Variants in VAMP4 observed in about 807,000 individuals in gnomAD.
The protein encoded by VAMP4 is vesicle-associated membrane protein 4.
A neutral mutation model predicts 23.5 loss-of-function variants in VAMP4; 19 were observed. The observed-to-expected ratio is 0.81, with a 90% CI of 0.56 to 1.19. The LOEUF (loss-of-function observed/expected upper bound fraction) is 1.19. Among genes scored for constraint, VAMP4 ranks in the 50% most tolerant of loss-of-function variants. The pLI is 0.00. For synonymous variants in VAMP4, 31 were observed against 51.0 expected (o/e 0.61, Z 1.67); for missense variants, 145 against 168.6 (o/e 0.86, Z 0.78).
At chr1:171,730,953 C>T (rs1655542136) in intron 2 of VAMP4, among the ~76,000 whole-genome samples, 1 of 151,812 alleles carries the variant, frequency 6.6e-6, no homozygotes, top group South Asian at 2.1e-4. Context: ...GCCTGTAATC[C>T]CAGCACTTTG....
chr1:171,741,563 T>C (rs529947882), intron 1 of VAMP4, among the ~76,000 whole-genome samples: 4 of 146,516 alleles, frequency 2.7e-5, no homozygotes, highest in African/African-American at 1.0e-4. Context: ...CTCCTAACGC[T>C]GGCCCTTCCT....
intron 2 of VAMP4, among the ~76,000 whole-genome samples, chr1:171,732,583 T>C (rs1029533930): frequency 6.6e-6 from 1 of 152,034 alleles, no homozygotes. Flanking sequence ...TTAACTTTTA[T>C]GTTAAATGTA....
chr1:171,727,212 C>A (rs1202049432), intron 3 of VAMP4, among the ~76,000 whole-genome samples: 2 of 122,250 alleles, frequency 1.6e-5, no homozygotes, highest in African/African-American at 3.2e-5. Context: ...GACACTCTAC[C>A]AACCTGGGCA....
intron 1 of VAMP4, 64 bp from the exon 2 acceptor site, chr1:171,738,527 C>T (rs1655816716): frequency 1.9e-6 from 2 of 1,046,576 alleles, no homozygotes; most frequent in South Asian, 2.9e-5. Context: ...GTACTTAAAA[C>T]AGTGTACATG....
At chr1:171,719,455 T>G (rs1389775699) in intron 3 of VAMP4, among the ~76,000 whole-genome samples, 1 of 152,126 alleles carries the variant, frequency 6.6e-6, no homozygotes, top group African/African-American at 2.4e-5. Flanking sequence ...TTCTTCTGCA[T>G]GTTAAAACTT....
intron 1 of VAMP4, among the ~76,000 whole-genome samples, chr1:171,738,897 T>C (rs542329721): frequency 6.6e-6 from 1 of 152,334 alleles, no homozygotes; most frequent in South Asian, 2.1e-4. Flanking sequence ...TTCAGGCTTC[T>C]GCAGAGTTGG....
rs1266473470 is a variant in VAMP4 at position 171,728,651 on chromosome 1, T to C, written c.67-81A>G. 21 of 1,350,480 alleles carry C rather than the reference T, an allele frequency of 1.6e-5. No homozygotes were observed. The East Asian group carries it at 2.7e-4, about 17-fold the overall frequency. 83.7% of individuals were successfully genotyped at this position (1,350,480 alleles called of 1,614,324 possible). A position where few individuals can be genotyped will look rare whatever the true frequency, so the allele number is the denominator to read the frequency against. Reference sequence around the variant, plus strand: ...CACAGAGGAGTAATGAAATAAGTCCTATACTAGTGAAATTTCTTAACTCCA... The same window carrying C: ...CACAGAGGAGTAATGAAATAAGTCCCATACTAGTGAAATTTCTTAACTCCA... On this transcript the variant is annotated intron_variant, in intron 2 of 7. Coordinates refer to ENST00000236192, the MANE Select transcript of VAMP4 (RefSeq NM_003762.5).
At chr1:171,706,920 G>A (rs746405782) in intron 6 of VAMP4, among the ~76,000 whole-genome samples, 69 of 152,132 alleles carry the variant, frequency 4.5e-4, no homozygotes, top group Non-Finnish European at 8.7e-4. Flanking sequence ...GAATTTCTAC[G>A]GTAGTTTTTC....
intron 4 of VAMP4, among the ~76,000 whole-genome samples, chr1:171,714,167 A>T (rs1654952824): frequency 6.6e-6 from 1 of 152,192 alleles, no homozygotes; most frequent in Non-Finnish European, 1.5e-5. Flanking sequence ...CCTACCCAGA[A>T]CACAATTTTT....
Position 171,700,980 on chromosome 1 carries a change from A to T in VAMP4, c.*3526T>A, listed in dbSNP as rs1004214229. On this transcript the variant is annotated 3_prime_UTR_variant, in exon 8 of 8. Coordinates refer to ENST00000236192, the MANE Select transcript of VAMP4 (RefSeq NM_003762.5). ...TCCCTAATTCTACTTGGTTTCCAGAAGAAAAAAAAAATCAGAATAAGACTA... is the reference window on the plus strand; with the variant it reads ...TCCCTAATTCTACTTGGTTTCCAGATGAAAAAAAAAATCAGAATAAGACTA... 1.3e-5 allele frequency: 2 copies of T among 152,094 alleles called. No individual in the cohort carries two copies. Among genetic ancestry groups the T allele is most frequent in the African/African-American group, 4.8e-5 (2 of 41,398 alleles). 9.4% of individuals were successfully genotyped at this position (152,094 alleles called of 1,614,324 possible). A position where few individuals can be genotyped will look rare whatever the true frequency, so the allele number is the denominator to read the frequency against.
At position 171,703,822 on chromosome 1, in the gene VAMP4, T is replaced by C. The variant is rs1472075605; in HGVS notation, c.*684A>G. On this transcript the variant is annotated 3_prime_UTR_variant, in exon 8 of 8. Coordinates refer to ENST00000236192, the MANE Select transcript of VAMP4 (RefSeq NM_003762.5). ...CCAATGACACTCTTCAATAACTTTATTATCTCCAGTTTTATGATGCCATAC... is the reference window on the plus strand; with the variant it reads ...CCAATGACACTCTTCAATAACTTTACTATCTCCAGTTTTATGATGCCATAC... The C allele has an allele frequency of 6.6e-6, 1 of 152,296 alleles. No homozygotes were observed. Among genetic ancestry groups the C allele is most frequent in the Admixed American group, 6.6e-5 (1 of 15,224 alleles). The allele number at this position is 152,296 out of a possible 1,614,324, so 9.4% of individuals were successfully genotyped here.
At chr1:171,731,861 A>G (rs1211702559) in intron 2 of VAMP4, among the ~76,000 whole-genome samples, 1 of 152,242 alleles carries the variant, frequency 6.6e-6, no homozygotes, top group East Asian at 1.9e-4. Context: ...TATAAAGAGG[A>G]ATTTTAGGAC....
chr1:171,729,686 G>T (rs188383665), intron 2 of VAMP4, among the ~76,000 whole-genome samples: 15 of 152,262 alleles, frequency 9.9e-5, no homozygotes, highest in Middle Eastern at 3.4e-3. Context: ...TTGAGATGGA[G>T]TCTTGCTCTG....
intron 7 of VAMP4, 41 bp downstream of exon 7, chr1:171,706,326 T>C (rs1243207622): frequency 6.4e-7 from 1 of 1,566,370 alleles, no homozygotes; most frequent in Non-Finnish European, 8.7e-7. Context: ...AACTCCAAAA[T>C]AAATGATACC....
In VAMP4 at chr1:171,713,307, T is replaced by C. The variant is rs1310744608; in HGVS notation, c.165-2493A>G. ...CAGCCAGCTTTTTTTTTTTGTCATA[T>C]GCAAGTGACGATAATTAATGGCTTA... On this transcript the variant is annotated intron_variant, in intron 4 of 7. Coordinates refer to ENST00000236192, the MANE Select transcript of VAMP4 (RefSeq NM_003762.5). 2.6e-5 allele frequency among the ~76,000 whole-genome samples: 4 copies of C among 151,886 alleles called. No homozygotes were observed. The East Asian group carries it at 5.8e-4, about 22-fold the overall frequency.
chr1:171,707,279 T>C (rs970250995), intron 6 of VAMP4, among the ~76,000 whole-genome samples: 1 of 152,226 alleles, frequency 6.6e-6, no homozygotes, highest in African/African-American at 2.4e-5. Context: ...GCCAGGTATA[T>C]TGAGATACAC....
In VAMP4 at chr1:171,704,307, T is replaced by A. The variant is rs1654576749; in HGVS notation, c.*199A>T. 2 of 383,306 alleles carry A rather than the reference T, an allele frequency of 5.2e-6. No homozygotes were observed. The highest frequency in any genetic ancestry group is 9.5e-6 in the Non-Finnish European group (2 of 210,512). The allele number at this position is 383,306 out of a possible 1,614,324, so 23.7% of individuals were successfully genotyped here. A position where few individuals can be genotyped will look rare whatever the true frequency, so the allele number is the denominator to read the frequency against. On this transcript the variant is annotated 3_prime_UTR_variant, in exon 8 of 8. Coordinates refer to ENST00000236192, the MANE Select transcript of VAMP4 (RefSeq NM_003762.5). ...AGGCTAGTTCTCTTTGCCTTAAACA[T>A]AATTATTAAAAGAACATTTTGTTAG...
Position 171,700,876 on chromosome 1 carries a change from C to A in VAMP4, c.*3630G>T, listed in dbSNP as rs933921496. On this transcript the variant is annotated 3_prime_UTR_variant, in exon 8 of 8. Coordinates refer to ENST00000236192, the MANE Select transcript of VAMP4 (RefSeq NM_003762.5). ...CCTGTAATTGGGTTGGTCATGCTTT[C>A]TTTTCAATTCCTACTGATTTGTTCC... 6.6e-6 allele frequency: 1 copy of A among 152,100 alleles called. No homozygotes were observed. Among genetic ancestry groups the A allele is most frequent in the African/African-American group, 2.4e-5 (1 of 41,420 alleles). 9.4% of individuals were successfully genotyped at this position (152,100 alleles called of 1,614,324 possible).
At chr1:171,726,965 C>T (rs2124860352) in intron 3 of VAMP4, among the ~76,000 whole-genome samples, 1 of 152,224 alleles carries the variant, frequency 6.6e-6, no homozygotes, top group East Asian at 1.9e-4. Context: ...GGCACAGTGG[C>T]TCATCCTTGT....
Sources: allele counts gnomAD v4.1 joint callset (sites outside exome capture counted in the v4.1 genomes callset), GRCh38; gene constraint gnomAD v4.1.1; transcripts MANE v1.5; gene names NCBI Gene and HGNC (gene_info 2026-07-23, HGNC 2026-07-21).